NOX4: variants seen among roughly 807,000 people sequenced by gnomAD.
NOX4 encodes NADPH oxidase 4, also known as kidney oxidase-1.
A neutral mutation model predicts 87.6 loss-of-function variants in NOX4; 69 were observed. The ratio of observed to expected loss-of-function variants is 0.79; its 90% CI spans 0.65 to 0.96. The LOEUF is 0.96. NOX4 is among the 40% of genes least tolerant of loss of function. The pLI is 0.00. For missense variants in NOX4, 680 were observed against 681.5 expected (o/e 1.00, Z 0.02); for synonymous variants, 275 against 238.2 (o/e 1.15, Z -1.42).
Position 89,402,476 on chromosome 11 carries a change from G to C in NOX4, c.696C>G (p.Thr232=). The change falls in exon 9 of 18, where the codon ACC becomes ACG. Residue 232 remains threonine (T), a synonymous_variant. Coordinates refer to ENST00000263317, the MANE Select transcript of NOX4 (RefSeq NM_016931.5). ...HPPGCISLNR[T]SSQNISLPEY... Reference sequence around the variant, plus strand: ...CTGGTAAGGAAATATTCTGAGAGCTGGTTCGGTTAAGACTGATGCAGCCGG... The same window carrying C: ...CTGGTAAGGAAATATTCTGAGAGCTCGTTCGGTTAAGACTGATGCAGCCGG... The C allele has an allele frequency of 6.2e-7, 1 of 1,612,388 alleles. No individual in the cohort carries two copies. The highest frequency in any genetic ancestry group is 8.5e-7 in the Non-Finnish European group (1 of 1,179,356).
chr11:89,365,753 C>CAAAAAAA lies in NOX4; in HGVS notation c.1135+7672_1135+7678dup, dbSNP rs1213376592. ...TTATCCAAGACCAAGACCACGCCCA[C>CAAAAAAA]AAAAAAAAAAAAAAAAAAAAAAACA... is the stretch of plus-strand genomic sequence containing the variant. On this transcript the variant is annotated intron_variant, in intron 12 of 17. Transcript: ENST00000263317. Among the ~76,000 whole-genome samples, 192 of 56,588 alleles carry CAAAAAAA rather than the reference C, an allele frequency of 3.4e-3. 3 individuals carry two copies. The highest frequency in any genetic ancestry group is 7.7e-3 in the African/African-American group (115 of 14,840). 37.1% of individuals were successfully genotyped at this position (56,588 alleles called of 152,430 possible). A position where few individuals can be genotyped will look rare whatever the true frequency, so the allele number is the denominator to read the frequency against.
chr11:89,424,684 CAATT>C (rs1943278960), intron 7 of NOX4, among the ~76,000 whole-genome samples: 1 of 151,842 alleles, frequency 6.6e-6, no homozygotes. Flanking sequence ...ATTTTAAAAT[CAATT>C]GAGATGAGAA....
chr11:89,510,993 A>G, the NOX4 span, among the ~76,000 whole-genome samples: 3 of 151,918 alleles, frequency 2.0e-5, no homozygotes, highest in South Asian at 2.1e-4. Flanking sequence ...CCAGATAAAC[A>G]TTTTCTGAAA....
chr11:89,540,412 T>G, the NOX4 span, among the ~76,000 whole-genome samples: 1 of 143,056 alleles, frequency 7.0e-6, no homozygotes, highest in Non-Finnish European at 1.5e-5. Context: ...TGCTCATATA[T>G]TAGGTGTTCA....
intron 8 of NOX4, among the ~76,000 whole-genome samples, chr11:89,406,853 A>G (rs1942214435): frequency 6.6e-6 from 1 of 152,150 alleles, no homozygotes; most frequent in Non-Finnish European, 1.5e-5. Flanking sequence ...TAAACATATG[A>G]TAACCTCTTG....
intron 13 of NOX4, among the ~76,000 whole-genome samples, chr11:89,353,033 G>A (rs1483691066): frequency 6.6e-6 from 1 of 152,146 alleles, no homozygotes; most frequent in Non-Finnish European, 1.5e-5. Flanking sequence ...TGGCCAAGCT[G>A]GTCTCAAACT....
At chr11:89,455,521 C>T (rs1315679857) in intron 2 of NOX4, among the ~76,000 whole-genome samples, 1 of 152,028 alleles carries the variant, frequency 6.6e-6, no homozygotes, top group Non-Finnish European at 1.5e-5. Context: ...AATTTTTAAA[C>T]ACAGGTACCA....
At chr11:89,585,853 C>T in the NOX4 span, among the ~76,000 whole-genome samples, 2 of 151,492 alleles carry the variant, frequency 1.3e-5, no homozygotes, top group Non-Finnish European at 3.0e-5. Context: ...AAAGAATCTG[C>T]TGACTGATTC....
At chr11:89,431,442 T>G (rs1943775477) in intron 7 of NOX4, among the ~76,000 whole-genome samples, 1 of 152,154 alleles carries the variant, frequency 6.6e-6, no homozygotes, top group African/African-American at 2.4e-5. Flanking sequence ...AGAAAATTTT[T>G]GCAGTCTACC....
At chr11:89,482,712 T>C (rs1393616671) in intron 2 of NOX4, among the ~76,000 whole-genome samples, 1 of 152,086 alleles carries the variant, frequency 6.6e-6, no homozygotes, top group African/African-American at 2.4e-5. Flanking sequence ...GTCCACCTCA[T>C]ATATAAGAAT....
intron 2 of NOX4, among the ~76,000 whole-genome samples, chr11:89,468,196 T>A (rs1945787715): frequency 6.6e-6 from 1 of 152,162 alleles, no homozygotes; most frequent in Admixed American, 6.5e-5. Context: ...CTATTTTGTT[T>A]TCTTACACTA....
At chr11:89,433,143 C>A (rs1049495702) in intron 6 of NOX4, among the ~76,000 whole-genome samples, 1 of 152,018 alleles carries the variant, frequency 6.6e-6, no homozygotes. Context: ...ATCCATCCAT[C>A]ATCTCAAACA....
chr11:89,394,930 C>T (rs529338190), intron 11 of NOX4, among the ~76,000 whole-genome samples: 1 of 152,176 alleles, frequency 6.6e-6, no homozygotes, highest in Non-Finnish European at 1.5e-5. Context: ...GGTTCCAAGT[C>T]TTTGCTATTG....
chr11:89,549,842 G>A, the NOX4 span, among the ~76,000 whole-genome samples: 3,557 of 152,126 alleles, frequency 0.023, 78 homozygotes, highest in African/African-American at 0.054. Context: ...TCTTTTTTAC[G>A]GCTGCATAGT....
At chr11:89,456,534 C>T (rs1005946195) in intron 2 of NOX4, among the ~76,000 whole-genome samples, 4 of 152,070 alleles carry the variant, frequency 2.6e-5, no homozygotes, top group Admixed American at 2.6e-4. Flanking sequence ...GCAGTTAGGA[C>T]ACAGACAGTG....
the NOX4 span, among the ~76,000 whole-genome samples, chr11:89,507,244 G>A: frequency 2.6e-5 from 4 of 151,654 alleles, no homozygotes; most frequent in Non-Finnish European, 5.9e-5. Context: ...TTGTGGTGAT[G>A]GTTTCATGGG....
At chr11:89,516,228 T>A in the NOX4 span, among the ~76,000 whole-genome samples, 8 of 152,084 alleles carry the variant, frequency 5.3e-5, no homozygotes, top group Admixed American at 2.6e-4. Flanking sequence ...TCTACATACA[T>A]TATAAACCTC....
intron 8 of NOX4, among the ~76,000 whole-genome samples, chr11:89,412,136 T>C (rs1442914284): frequency 6.6e-6 from 1 of 152,126 alleles, no homozygotes; most frequent in Non-Finnish European, 1.5e-5. Context: ...TAAATATATA[T>C]ACACCCAAAA....
intron 3 of NOX4, 59 bp downstream of exon 3, chr11:89,451,726 T>A: frequency 8.7e-7 from 1 of 1,150,482 alleles, no homozygotes; most frequent in South Asian, 1.2e-5. Flanking sequence ...CAAACTAACA[T>A]GCGACTGTTA....
Sources: gnomAD v4.1 joint callset for allele counts (sites outside exome capture counted in the v4.1 genomes callset) on GRCh38, gnomAD v4.1.1 for gene constraint, MANE v1.5 for transcripts, NCBI Gene and HGNC (gene_info 2026-07-23, HGNC 2026-07-21) for gene names.